ROBO1: variants seen among roughly 807,000 people sequenced by gnomAD.
The protein encoded by ROBO1 is roundabout homolog 1.
Under a neutral mutation model 195.9 loss-of-function variants are expected in ROBO1, and 149 were observed. The ratio of observed to expected loss-of-function variants is 0.76; its 90% CI spans 0.67 to 0.87. The LOEUF is 0.87. Ranked by LOEUF, ROBO1 falls within the 40% of genes least tolerant of loss-of-function variation. The probability of loss-of-function intolerance (pLI) is 0.00; values close to 1 mark genes in which losing one functional copy is unlikely to be tolerated. For synonymous variants in ROBO1, 816 were observed against 733.2 expected (o/e 1.11, Z -1.82); for missense variants, 1,933 against 2,068.3 (o/e 0.93, Z 1.27).
intron 4 of ROBO1, among the ~76,000 whole-genome samples, chr3:78,765,313 T>G (rs1238026959): frequency 1.3e-5 from 2 of 152,100 alleles, no homozygotes; most frequent in Non-Finnish European, 2.9e-5. Flanking sequence ...CAAAGATTCA[T>G]TCATTTGTAA....
intron 2 of ROBO1, among the ~76,000 whole-genome samples, chr3:79,280,176 T>C (rs1207862328): frequency 6.6e-6 from 1 of 152,176 alleles, no homozygotes; most frequent in African/African-American, 2.4e-5. Flanking sequence ...CATTCTATTG[T>C]TCTATAGCAC....
chr3:79,393,288 A>G (rs1021601140), intron 2 of ROBO1, among the ~76,000 whole-genome samples: 4 of 152,134 alleles, frequency 2.6e-5, no homozygotes, highest in African/African-American at 4.8e-5. Context: ...AATTTTAGCA[A>G]TCTCCTACTG....
intron 2 of ROBO1, among the ~76,000 whole-genome samples, chr3:79,168,671 T>A (rs2081112821): frequency 1.3e-5 from 2 of 152,180 alleles, no homozygotes; most frequent in African/African-American, 4.8e-5. Flanking sequence ...CTCTAGTCAC[T>A]TCAACGTTTC....
intron 1 of ROBO1, among the ~76,000 whole-genome samples, chr3:79,695,436 T>C (rs1318564065): frequency 1.3e-5 from 2 of 151,572 alleles, no homozygotes; most frequent in South Asian, 2.1e-4. Flanking sequence ...TTTGATTTAA[T>C]TACACTAATC....
At chr3:79,328,910 C>T (rs549662747) in intron 2 of ROBO1, among the ~76,000 whole-genome samples, 1 of 152,178 alleles carries the variant, frequency 6.6e-6, no homozygotes, top group African/African-American at 2.4e-5. Flanking sequence ...GTTTCCATTC[C>T]TGAGTTACTT....
At chr3:79,660,161 G>A (rs1946288647) in intron 1 of ROBO1, among the ~76,000 whole-genome samples, 1 of 151,768 alleles carries the variant, frequency 6.6e-6, no homozygotes, top group Non-Finnish European at 1.5e-5. Context: ...ATCCGACTAG[G>A]GAAATGACTT....
At chr3:79,369,454 C>T (rs891251837) in intron 2 of ROBO1, among the ~76,000 whole-genome samples, 3 of 152,166 alleles carry the variant, frequency 2.0e-5, no homozygotes, top group African/African-American at 7.2e-5. Flanking sequence ...TTGTTCTAAC[C>T]TTATGTAATT....
intron 3 of ROBO1, among the ~76,000 whole-genome samples, chr3:78,959,549 A>G (rs1257271701): frequency 2.0e-5 from 3 of 152,220 alleles, no homozygotes; most frequent in Admixed American, 6.5e-5. Flanking sequence ...CTGAGTAACT[A>G]TTCTGTACAG....
intron 3 of ROBO1, among the ~76,000 whole-genome samples, chr3:79,070,188 T>C (rs1171944273): frequency 6.6e-6 from 1 of 151,920 alleles, no homozygotes; most frequent in African/African-American, 2.4e-5. Context: ...TCACTTTCCA[T>C]ATTGTTGTCA....
At chr3:79,380,226 T>C (rs2036522851) in intron 2 of ROBO1, among the ~76,000 whole-genome samples, 2 of 152,172 alleles carry the variant, frequency 1.3e-5, no homozygotes, top group African/African-American at 4.8e-5. Flanking sequence ...CTCTTTACTC[T>C]TTTCCTTCAA....
At chr3:78,756,115 T>G (rs1312598370) in intron 4 of ROBO1, among the ~76,000 whole-genome samples, 1 of 152,144 alleles carries the variant, frequency 6.6e-6, no homozygotes, top group Non-Finnish European at 1.5e-5. Context: ...TATATATATA[T>G]GTATGTATAA....
At chr3:79,041,650 A>T (rs1414481203) in intron 3 of ROBO1, among the ~76,000 whole-genome samples, 1 of 152,204 alleles carries the variant, frequency 6.6e-6, no homozygotes, top group African/African-American at 2.4e-5. Context: ...TTCTGCAAGG[A>T]CAGATCTGCT....
intron 2 of ROBO1, among the ~76,000 whole-genome samples, chr3:79,365,159 T>C (rs1459655264): frequency 6.6e-6 from 1 of 152,176 alleles, no homozygotes; most frequent in Non-Finnish European, 1.5e-5. Context: ...CCTCTATGCT[T>C]TACTCCTTTC....
intron 4 of ROBO1, among the ~76,000 whole-genome samples, chr3:78,800,308 A>G (rs558703304): frequency 6.6e-6 from 1 of 152,306 alleles, no homozygotes; most frequent in Admixed American, 6.5e-5. Context: ...GGTAATCAAG[A>G]AAATAGTGAT....
At chr3:78,684,646 A>G (rs1443152244) in intron 10 of ROBO1, among the ~76,000 whole-genome samples, 2 of 152,134 alleles carry the variant, frequency 1.3e-5, no homozygotes, top group African/African-American at 4.8e-5. Context: ...ACAATTTCAC[A>G]CTACAGATGA....
rs116795142 is a variant in ROBO1 at position 79,725,982 on chromosome 3, C to A, written c.-51+41770G>T. On this transcript the variant is annotated intron_variant, in intron 1 of 30. Transcript: ENST00000464233. ...TTAACCCTAAGTTGTAGCTCTGGAA[C>A]TTTAAGAGAATCTCAAGAAGTCAAA... is the stretch of plus-strand genomic sequence containing the variant. Among the ~76,000 whole-genome samples, 808 of 151,954 alleles carry A rather than the reference C, an allele frequency of 5.3e-3. 6 individuals are homozygous for A. Among genetic ancestry groups the A allele is most frequent in the African/African-American group, 0.019 (775 of 41,430 alleles).
At chr3:78,924,579 T>C (rs1192366981) in intron 4 of ROBO1, among the ~76,000 whole-genome samples, 1 of 152,136 alleles carries the variant, frequency 6.6e-6, no homozygotes, top group East Asian at 1.9e-4. Flanking sequence ...AACAGGCATA[T>C]TAAAATATTT....
At chr3:79,260,087 T>TACAC (rs149306958) in intron 2 of ROBO1, among the ~76,000 whole-genome samples, 8 of 148,678 alleles carry the variant, frequency 5.4e-5, no homozygotes, top group Admixed American at 1.3e-4. Context: ...TAAATATATG[T>TACAC]ACACACACAC....
At chr3:79,555,950 T>C (rs768762401) in intron 2 of ROBO1, among the ~76,000 whole-genome samples, 3 of 152,150 alleles carry the variant, frequency 2.0e-5, no homozygotes, top group Non-Finnish European at 2.9e-5. Context: ...GCTTATGTGA[T>C]TTGCCATGTG....
Sources: gnomAD v4.1 joint callset for allele counts (sites outside exome capture counted in the v4.1 genomes callset) on GRCh38, gnomAD v4.1.1 for gene constraint, MANE v1.5 for transcripts, NCBI Gene and HGNC (gene_info 2026-07-23, HGNC 2026-07-21) for gene names.